Variants in MYO16 observed in about 807,000 individuals in gnomAD.
MYO16 encodes the protein unconventional myosin-XVI.
In MYO16, 94 loss-of-function variants were observed where a neutral mutation model predicts 205.3. The ratio of observed to expected loss-of-function variants is 0.46; its 90% confidence interval spans 0.39 to 0.54. The LOEUF is 0.54. MYO16 is among the 20% of genes least tolerant of loss of function. The pLI is 0.00. For missense variants in MYO16, 2,315 were observed against 2,387.5 expected (o/e 0.97, Z 0.63); for synonymous variants, 988 against 954.0 (o/e 1.04, Z -0.66).
chr13:108,741,226 C>T (rs1222478172), intron 4 of MYO16, among the ~76,000 whole-genome samples: 1 of 152,182 alleles, frequency 6.6e-6, no homozygotes, highest in African/African-American at 2.4e-5. Context: ...CTGCGTCGCT[C>T]ACGCTGGGAG....
chr13:109,069,553 C>T (rs1312535165), intron 27 of MYO16, among the ~76,000 whole-genome samples: 2 of 147,980 alleles, frequency 1.4e-5, no homozygotes, highest in East Asian at 4.1e-4. Flanking sequence ...AGAAAGCAAG[C>T]TGGCATCTAG....
intron 12 of MYO16, among the ~76,000 whole-genome samples, chr13:108,875,635 C>G (rs1447912580): frequency 6.6e-6 from 1 of 152,082 alleles, no homozygotes; most frequent in African/African-American, 2.4e-5. Flanking sequence ...CATCTACTCT[C>G]TAGTAAAATT....
intron 27 of MYO16, among the ~76,000 whole-genome samples, chr13:109,071,794 T>C (rs897676205): frequency 2.0e-5 from 3 of 152,142 alleles, no homozygotes. Flanking sequence ...TAAAGAGGAA[T>C]CATCACAGGA....
the MYO16 span, among the ~76,000 whole-genome samples, chr13:108,567,664 T>C: frequency 1.3e-5 from 2 of 151,948 alleles, no homozygotes; most frequent in Non-Finnish European, 2.9e-5. Context: ...TGAATGAGCA[T>C]GGCAAAGTCA....
chr13:108,904,156 T>C (rs1391509638), intron 15 of MYO16, among the ~76,000 whole-genome samples: 1 of 152,204 alleles, frequency 6.6e-6, no homozygotes, highest in Non-Finnish European at 1.5e-5. Context: ...ATGAGCTGTA[T>C]ATAAGTAAGG....
chr13:109,150,784 G>A (rs1022986530), intron 32 of MYO16, among the ~76,000 whole-genome samples: 7 of 152,188 alleles, frequency 4.6e-5, no homozygotes, highest in African/African-American at 1.7e-4. Context: ...ACTAAAGCAA[G>A]CAGCTATTGT....
chr13:108,924,890 T>C (rs1284720785), intron 16 of MYO16, among the ~76,000 whole-genome samples: 1 of 152,210 alleles, frequency 6.6e-6, no homozygotes, highest in Non-Finnish European at 1.5e-5. Context: ...GAATAAATGA[T>C]TTCTGAATTT....
intron 34 of MYO16, among the ~76,000 whole-genome samples, chr13:109,189,010 C>T (rs1010903890): frequency 2.0e-5 from 3 of 151,968 alleles, no homozygotes; most frequent in African/African-American, 7.2e-5. Context: ...AGGAGAATTG[C>T]TTGAACCAGG....
At chr13:109,058,329 T>C (rs1277698008) in intron 27 of MYO16, among the ~76,000 whole-genome samples, 2 of 152,110 alleles carry the variant, frequency 1.3e-5, no homozygotes, top group African/African-American at 4.8e-5. Flanking sequence ...AATCAAAATC[T>C]GCAAATTCAT....
chr13:108,849,035 G>A (rs1048159093), intron 10 of MYO16, among the ~76,000 whole-genome samples: 2 of 152,010 alleles, frequency 1.3e-5, no homozygotes, highest in African/African-American at 2.4e-5. Flanking sequence ...ACACTTGGCA[G>A]AATAACAAAA....
chr13:108,976,983 T>C (rs1291744038), intron 20 of MYO16, among the ~76,000 whole-genome samples: 1 of 152,204 alleles, frequency 6.6e-6, no homozygotes, highest in African/African-American at 2.4e-5. Flanking sequence ...CCTGTAGAGA[T>C]ACATTTTTCC....
chr13:109,096,699 G>A (rs1249142757), intron 27 of MYO16, among the ~76,000 whole-genome samples: 1 of 147,184 alleles, frequency 6.8e-6, no homozygotes, highest in Admixed American at 7.0e-5. Flanking sequence ...TACATTCGAA[G>A]GCAAGCTAGG....
At chr13:109,123,255 G>C (rs1293668311) in intron 29 of MYO16, among the ~76,000 whole-genome samples, 3 of 152,220 alleles carry the variant, frequency 2.0e-5, no homozygotes, top group Non-Finnish European at 4.4e-5. Context: ...TTGGGATGAA[G>C]TGTGAGAAAA....
chr13:108,896,485 T>C (rs1471992136), intron 14 of MYO16, among the ~76,000 whole-genome samples: 1 of 152,208 alleles, frequency 6.6e-6, no homozygotes, highest in Non-Finnish European at 1.5e-5. Flanking sequence ...TTGTAAGGAA[T>C]TAATATATGT....
chr13:108,555,890 G>C, the MYO16 span, among the ~76,000 whole-genome samples: 1 of 152,066 alleles, frequency 6.6e-6, no homozygotes, highest in African/African-American at 2.4e-5. Context: ...ACCATAATGT[G>C]GTCCAAGTTC....
At chr13:109,189,109 A>G (rs1879808394) in intron 34 of MYO16, among the ~76,000 whole-genome samples, 1 of 152,078 alleles carries the variant, frequency 6.6e-6, no homozygotes, top group Admixed American at 6.5e-5. Flanking sequence ...AAATGAAAAA[A>G]AAAAAGAAGG....
intron 34 of MYO16, among the ~76,000 whole-genome samples, chr13:109,194,519 A>C (rs1027192563): frequency 2.0e-5 from 3 of 152,170 alleles, no homozygotes; most frequent in African/African-American, 7.2e-5. Flanking sequence ...TATCATGAAG[A>C]TGATACTAGA....
At position 109,055,169 on chromosome 13, in the gene MYO16, T is replaced by C. The variant is rs1200711633; in HGVS notation, c.3129+43T>C. The C allele has an allele frequency of 2.7e-6, 4 of 1,462,756 alleles. No individual in the cohort carries two copies. The highest frequency in any genetic ancestry group is 1.2e-5 in the South Asian group (1 of 80,878). 90.6% of individuals were successfully genotyped at this position (1,462,756 alleles called of 1,614,324 possible). ...ATTTCAAAAACTTAATGTATGTTTA[T>C]AGCAACTAAAGAGGGTTTATGTAGA... On this transcript the variant is annotated intron_variant, in intron 26 of 34. Coordinates refer to ENST00000457511, the MANE Select transcript of MYO16 (RefSeq NM_001198950.3). The surrounding 1 kb of genome is among the most constrained non-coding windows in gnomAD (Gnocchi z 5.0).
At chr13:108,753,345 G>A (rs996823654) in intron 4 of MYO16, among the ~76,000 whole-genome samples, 4 of 131,132 alleles carry the variant, frequency 3.1e-5, no homozygotes, top group Non-Finnish European at 6.1e-5. Context: ...ACTCCAGCCT[G>A]GGCAATAAGA....
Sources: allele counts gnomAD v4.1 joint callset (sites outside exome capture counted in the v4.1 genomes callset), GRCh38; gene constraint gnomAD v4.1.1; non-coding constraint Gnocchi (gnomAD v3.1); transcripts MANE v1.5; gene names NCBI Gene and HGNC (gene_info 2026-07-23, HGNC 2026-07-21).